RHOBTB3: variants seen among roughly 807,000 people sequenced by gnomAD.
The protein encoded by RHOBTB3 is rho-related BTB domain-containing protein 3.
RHOBTB3 carries 47 observed loss-of-function variants against 67.2 expected under a neutral mutation model. The ratio of observed to expected loss-of-function variants is 0.70; its 90% CI spans 0.55 to 0.89. The LOEUF (loss-of-function observed/expected upper bound fraction) is 0.89, where lower values mean the gene tolerates loss of function less well. Ranked by LOEUF, RHOBTB3 falls within the 40% of genes least tolerant of loss-of-function variation. RHOBTB3 has a pLI of 0.00. For missense variants in RHOBTB3, 631 were observed against 750.0 expected, an observed-to-expected ratio of 0.84 and a Z score of 1.85; for synonymous variants, 273 against 274.2, an observed-to-expected ratio of 1.00 and a Z score of 0.04.
chr5:95,731,584 G>A lies in RHOBTB3; in HGVS notation c.-99G>A. The stretch of plus-strand genomic sequence containing the variant: ...GGCGCGCGAGGGGGACGCGGCCGGG[G>A]ATGAGCGGATTGCGGGTGAACTCGC... On this transcript the variant is annotated 5_prime_UTR_variant, in exon 1 of 12. Transcript: ENST00000379982. 8 of 1,565,346 alleles carry A rather than the reference G, an allele frequency of 5.1e-6. No homozygotes were observed. In the South Asian group the frequency reaches 7.0e-5, roughly 14 times the overall value.
chr5:95,752,859 C>T (rs45466), intron 5 of RHOBTB3, among the ~76,000 whole-genome samples: 60,044 of 151,914 alleles, frequency 0.4, 12,521 homozygotes, highest in East Asian at 0.71. Flanking sequence ...GTCCCGGGCG[C>T]GGTGGCTCAC....
intron 11 of RHOBTB3, among the ~76,000 whole-genome samples, chr5:95,790,561 G>A (rs992114252): frequency 6.6e-6 from 1 of 152,154 alleles, no homozygotes; most frequent in Non-Finnish European, 1.5e-5. Context: ...ATGACACCTG[G>A]CATGGTGCAA....
intron 8 of RHOBTB3, chr5:95,770,610 T>G: frequency 2.1e-6 from 1 of 471,962 alleles, no homozygotes; most frequent in South Asian, 1.7e-5. Flanking sequence ...CTTGGGTGGC[T>G]TCTCCATTAA....
chr5:95,736,916 T>C lies in RHOBTB3; in HGVS notation c.256T>C (p.Ser86Pro), dbSNP rs1755466583. 3 of 1,610,722 alleles carry C rather than the reference T, an allele frequency of 1.9e-6. No individual in the cohort carries two copies. The Admixed American group carries it at 5.1e-5, about 27-fold the overall frequency. The change falls in exon 3 of 12, where the codon TCT becomes CCT. Residue 86 changes from serine to proline, a missense_variant. Ser to Pro is a moderately conservative substitution (Grantham distance 74). Coordinates refer to ENST00000379982, the MANE Select transcript of RHOBTB3 (RefSeq NM_014899.4). ...WDIFDSDWYT[S>P]RNLIGGADII... Reference sequence around the variant, plus strand: ...CATATTTGACAGTGATTGGTACACTTCTCGAAATCTAATTGGGGGCGCTGA... The same window carrying C: ...CATATTTGACAGTGATTGGTACACTCCTCGAAATCTAATTGGGGGCGCTGA...
chr5:95,760,082 G>A (rs974875559), intron 6 of RHOBTB3, among the ~76,000 whole-genome samples: 39 of 151,956 alleles, frequency 2.6e-4, no homozygotes, highest in African/African-American at 8.7e-4. Flanking sequence ...ATTTAGGAGC[G>A]ACCTGTTTAA....
intron 5 of RHOBTB3, 129 bp downstream of exon 5, chr5:95,752,479 C>G: frequency 1.4e-6 from 1 of 702,764 alleles, no homozygotes; most frequent in Non-Finnish European, 2.5e-6. Context: ...ATTCAGTCAA[C>G]CTGGGATAAG....
At chr5:95,785,534 C>T (rs1473819696) in intron 10 of RHOBTB3, among the ~76,000 whole-genome samples, 1 of 150,678 alleles carries the variant, frequency 6.6e-6, no homozygotes, top group South Asian at 2.1e-4. Context: ...GCGGAGCTTG[C>T]AGTGAGCCGA....
rs1188641413 is a variant in RHOBTB3, at chr5:95,785,526, G to A, written c.1623+1563G>A. On this transcript the variant is annotated intron_variant, in intron 10 of 11. Coordinates refer to ENST00000379982, the MANE Select transcript of RHOBTB3 (RefSeq NM_014899.4). ...GGAGAATGGCGTGAACCCTGGAGGC[G>A]GAGCTTGCAGTGAGCCGAGATCGTG... 2.7e-4 allele frequency among the ~76,000 whole-genome samples: 41 copies of A among 151,702 alleles called. 1 individual carries two copies. Among genetic ancestry groups the A allele is most frequent in the African/African-American group, 8.2e-4 (34 of 41,374 alleles).
intron 2 of RHOBTB3, among the ~76,000 whole-genome samples, chr5:95,733,868 G>T (rs1235731632): frequency 6.6e-6 from 1 of 152,188 alleles, no homozygotes; most frequent in Admixed American, 6.5e-5. Flanking sequence ...AAATATAGCA[G>T]AGCAGATAGA....
chr5:95,790,391 T>C (rs1173852222), intron 11 of RHOBTB3, among the ~76,000 whole-genome samples: 6 of 152,240 alleles, frequency 3.9e-5, no homozygotes, highest in African/African-American at 1.4e-4. Flanking sequence ...GTCACTCTTA[T>C]TTGTAAGAGA....
exon 1 of RHOBTB3, chr5:95,717,745 A>C (rs1754725133): frequency 6.6e-6 from 1 of 152,270 alleles, no homozygotes; most frequent in Non-Finnish European, 1.5e-5. Context: ...TGGAGGGACA[A>C]ACAAAGGGTT....
intron 7 of RHOBTB3, 24 bp from the exon 8 acceptor site, chr5:95,768,022 C>G (rs753561451): frequency 3.7e-6 from 6 of 1,608,718 alleles, no homozygotes; most frequent in East Asian, 2.2e-5. Context: ...CAACCTTTCC[C>G]TGTATTTTTG....
At chr5:95,780,115 A>C in intron 8 of RHOBTB3, 137 bp from the exon 9 acceptor site, 1 of 592,414 alleles carries the variant, frequency 1.7e-6, no homozygotes, top group South Asian at 2.8e-5. Context: ...GATTAATGGT[A>C]GTTATCACTC....
intron 3 of RHOBTB3, among the ~76,000 whole-genome samples, chr5:95,743,659 C>A (rs922368419): frequency 2.0e-5 from 3 of 149,298 alleles, no homozygotes; most frequent in Middle Eastern, 3.5e-3. Flanking sequence ...CTCCTTCCCC[C>A]TTCCTTCTTT....
chr5:95,774,562 C>G (rs186440314), intron 8 of RHOBTB3, among the ~76,000 whole-genome samples: 267 of 152,202 alleles, frequency 1.8e-3, no homozygotes, highest in Non-Finnish European at 3.2e-3. Flanking sequence ...ATGTAAATAT[C>G]TCACTCTGAA....
chr5:95,719,730 G>A (rs1231463193), intron 1 of RHOBTB3: 3 of 152,174 alleles, frequency 2.0e-5, no homozygotes, highest in East Asian at 3.8e-4. Context: ...TGTAGTTAAT[G>A]CCATCATGCA....
At chr5:95,790,853 G>A (rs1746361527) in intron 11 of RHOBTB3, among the ~76,000 whole-genome samples, 1 of 152,162 alleles carries the variant, frequency 6.6e-6, no homozygotes. Flanking sequence ...GGACCCCACA[G>A]TTAAAAATAT....
Position 95,793,946 on chromosome 5 carries a change from C to G in RHOBTB3, c.*772C>G. On this transcript the variant is annotated 3_prime_UTR_variant, in exon 12 of 12. Coordinates refer to ENST00000379982, the MANE Select transcript of RHOBTB3 (RefSeq NM_014899.4). Reference sequence around the variant, plus strand: ...ATGATTTCATTTTGTGCTGAGCCCTCAAAATTATGTCTGTTTCGTGGTGGG... The same window carrying G: ...ATGATTTCATTTTGTGCTGAGCCCTGAAAATTATGTCTGTTTCGTGGTGGG... The G allele has an allele frequency of 2.2e-6, 1 of 453,070 alleles. No homozygotes were observed. The highest frequency in any genetic ancestry group is 4.4e-6 in the Non-Finnish European group (1 of 225,896). The allele number at this position is 453,070 out of a possible 1,614,324, so 28.1% of individuals were successfully genotyped here.
At chr5:95,786,672 T>C (rs1386028343) in intron 10 of RHOBTB3, among the ~76,000 whole-genome samples, 2 of 152,258 alleles carry the variant, frequency 1.3e-5, no homozygotes, top group Admixed American at 1.3e-4. Flanking sequence ...GAGGCACAAG[T>C]TGTATTTCTG....
Sources: gnomAD v4.1 joint callset for allele counts (sites outside exome capture counted in the v4.1 genomes callset) on GRCh38, gnomAD v4.1.1 for gene constraint, MANE v1.5 for transcripts, NCBI Gene and HGNC (gene_info 2026-07-23, HGNC 2026-07-21) for gene names.